Variants in TENM3 observed in about 807,000 individuals in gnomAD.
TENM3 encodes the protein teneurin transmembrane protein 3.
TENM3 carries 63 observed loss-of-function variants against 255.1 expected under a neutral mutation model. The observed-to-expected ratio is 0.25, with a 90% CI of 0.20 to 0.30. TENM3 has a LOEUF of 0.30. Ranked by LOEUF, TENM3 falls within the 10% of genes least tolerant of loss-of-function variation. The pLI is 1.00. For missense variants in TENM3, 2,929 were observed against 3,461.1 expected (o/e 0.85, Z 3.86); for synonymous variants, 1,306 against 1,322.3 (o/e 0.99, Z 0.27).
chr4:181,474,322 AT>A, the TENM3 span, among the ~76,000 whole-genome samples: 17 of 152,208 alleles, frequency 1.1e-4, no homozygotes, highest in African/African-American at 3.1e-4. Flanking sequence ...ATGATAAAAA[AT>A]TTTTTTTAAA....
At chr4:182,010,391 G>A in the TENM3 span, among the ~76,000 whole-genome samples, 2 of 151,908 alleles carry the variant, frequency 1.3e-5, no homozygotes, top group Non-Finnish European at 2.9e-5. Flanking sequence ...GTGATTCAGA[G>A]AAACTGTCAG....
At chr4:182,440,352 T>C (rs373707669) in intron 3 of TENM3, among the ~76,000 whole-genome samples, 11 of 152,034 alleles carry the variant, frequency 7.2e-5, no homozygotes, top group African/African-American at 2.4e-4. Context: ...GACCTCATGA[T>C]CCACCCGCCT....
chr4:182,339,738 C>T (rs953895963), intron 2 of TENM3, among the ~76,000 whole-genome samples: 4 of 152,132 alleles, frequency 2.6e-5, no homozygotes, highest in African/African-American at 7.2e-5. Context: ...AAACACCTGC[C>T]GCTTTATGCC....
the TENM3 span, among the ~76,000 whole-genome samples, chr4:182,027,202 T>C: frequency 1.4e-4 from 22 of 152,204 alleles, no homozygotes; most frequent in Admixed American, 7.2e-4. Context: ...TAAATGGCTA[T>C]TGTAAATGGG....
the TENM3 span, among the ~76,000 whole-genome samples, chr4:181,452,048 AG>A: frequency 6.6e-6 from 1 of 152,144 alleles, no homozygotes; most frequent in African/African-American, 2.4e-5. Context: ...AGGGAAGAAG[AG>A]GGCATTTCAA....
the TENM3 span, among the ~76,000 whole-genome samples, chr4:181,484,669 T>C: frequency 1.3e-5 from 2 of 152,170 alleles, no homozygotes; most frequent in Non-Finnish European, 2.9e-5. Flanking sequence ...TGTCCTAAAT[T>C]GTGGACTTTA....
rs1767065140 is a variant in TENM3, at chr4:182,802,859, G to A, written c.*2508G>A. ...AGAAATTGATATTCAAAGTATTTTA[G>A]GCAAAGCCAGTCAAAATGCTTTCAT... On this transcript the variant is annotated 3_prime_UTR_variant, in exon 28 of 28. Coordinates refer to ENST00000511685, the MANE Select transcript of TENM3 (RefSeq NM_001080477.4). 2 of 152,622 alleles carry A rather than the reference G, an allele frequency of 1.3e-5. No individual in the cohort carries two copies. The highest frequency in any genetic ancestry group is 6.5e-5 in the Admixed American group (1 of 15,274). The allele number at this position is 152,622 out of a possible 1,614,324, so 9.5% of individuals were successfully genotyped here.
At chr4:181,969,271 T>C in the TENM3 span, among the ~76,000 whole-genome samples, 1 of 152,164 alleles carries the variant, frequency 6.6e-6, no homozygotes, top group East Asian at 1.9e-4. Flanking sequence ...ACTAAAGTCA[T>C]TCATGTTTTA....
the TENM3 span, among the ~76,000 whole-genome samples, chr4:181,950,994 A>G: frequency 6.6e-5 from 10 of 152,138 alleles, no homozygotes; most frequent in African/African-American, 2.4e-4. Context: ...GTGAGCCATG[A>G]TCACGCCACT....
chr4:182,740,140 C>A (rs541829971), intron 18 of TENM3, among the ~76,000 whole-genome samples: 13 of 152,342 alleles, frequency 8.5e-5, no homozygotes, highest in African/African-American at 2.9e-4. Flanking sequence ...AAAAACCCTT[C>A]CCTGCTTCAC....
At chr4:181,773,715 G>C in the TENM3 span, among the ~76,000 whole-genome samples, 1 of 152,278 alleles carries the variant, frequency 6.6e-6, no homozygotes, top group East Asian at 1.9e-4. Flanking sequence ...ATTTGTGTGT[G>C]TGTTTTCTAG....
the TENM3 span, among the ~76,000 whole-genome samples, chr4:182,037,150 A>ATTTTT: frequency 1.4e-5 from 2 of 144,682 alleles, no homozygotes; most frequent in African/African-American, 5.2e-5. Flanking sequence ...AACTCCTTTT[A>ATTTTT]TTTTTTTTTT....
intron 3 of TENM3, among the ~76,000 whole-genome samples, chr4:182,524,626 A>G (rs1409498788): frequency 4.0e-5 from 6 of 151,692 alleles, no homozygotes; most frequent in South Asian, 2.1e-4. Context: ...CTCCCAAAGT[A>G]CTGGGATTAC....
the TENM3 span, among the ~76,000 whole-genome samples, chr4:181,461,542 C>T: frequency 0.026 from 3,981 of 152,216 alleles, 95 homozygotes; most frequent in Middle Eastern, 0.051. Flanking sequence ...TGATGCTCTG[C>T]TGATTTTTCC....
chr4:182,773,452 TTAA>T lies in TENM3; in HGVS notation c.4893-18_4893-16del, dbSNP rs966233251. The T allele has an allele frequency of 1.3e-6, 2 of 1,587,262 alleles. No homozygotes were observed. Among genetic ancestry groups the T allele is most frequent in the Non-Finnish European group, 1.7e-6 (2 of 1,165,568 alleles). The stretch of plus-strand genomic sequence containing the variant: ...CTGCAGTTTCCTATTTAACACCAAG[TTAA>T]TGCCTCTTGTATTTAGCTATGACAG... On this transcript the variant is annotated splice_polypyrimidine_tract_variant and intron_variant, in intron 22 of 27. Coordinates refer to ENST00000511685, the MANE Select transcript of TENM3 (RefSeq NM_001080477.4).
chr4:182,218,177 C>A lies in TENM3; in HGVS notation c.-76+73423C>A, dbSNP rs1755626496. 3.9e-5 allele frequency among the ~76,000 whole-genome samples: 6 copies of A among 152,134 alleles called. No individual in the cohort carries two copies. The South Asian group carries it at 1.2e-3, about 32-fold the overall frequency. The stretch of plus-strand genomic sequence containing the variant: ...GAGTCCTCAGTCAAAATATACCTGA[C>A]CCCGGAGTCCATGTTTTGAATCACT... On this transcript the variant is annotated intron_variant, in intron 1 of 2. Coordinates refer to the TENM3 transcript ENST00000512480.
intron 2 of TENM3, among the ~76,000 whole-genome samples, chr4:182,336,841 A>G (rs1253250672): frequency 3.2e-5 from 3 of 92,772 alleles, no homozygotes; most frequent in Non-Finnish European, 4.0e-5. Context: ...TATTATTCTT[A>G]GCTTTTTTTT....
chr4:181,535,214 C>A, the TENM3 span, among the ~76,000 whole-genome samples: 1 of 152,200 alleles, frequency 6.6e-6, no homozygotes, highest in Admixed American at 6.5e-5. Context: ...GCCGCTGAGG[C>A]TTCCCGACCC....
chr4:182,254,727 CT>C (rs1758262207), intron 1 of TENM3, among the ~76,000 whole-genome samples: 2 of 152,064 alleles, frequency 1.3e-5, no homozygotes, highest in South Asian at 2.1e-4. Context: ...TTTTCTTGAA[CT>C]TTTGGATGGC....
Sources: allele counts gnomAD v4.1 joint callset (sites outside exome capture counted in the v4.1 genomes callset), GRCh38; gene constraint gnomAD v4.1.1; transcripts MANE v1.5; gene names NCBI Gene and HGNC (gene_info 2026-07-23, HGNC 2026-07-21).